Variants in TNNI3K observed in about 807,000 individuals in gnomAD.
TNNI3K encodes the protein TNNI3 interacting kinase.
Under a neutral mutation model 114.5 loss-of-function variants are expected in TNNI3K, and 140 were observed. The ratio of observed to expected loss-of-function variants is 1.22; its 90% confidence interval spans 1.07 to 1.41. The LOEUF (loss-of-function observed/expected upper bound fraction) is 1.41. Among genes scored for constraint, TNNI3K ranks in the 40% most tolerant of loss-of-function variants. The probability of loss-of-function intolerance (pLI) is 0.00; values close to 1 mark genes in which losing one functional copy is unlikely to be tolerated. For synonymous variants in TNNI3K, 347 were observed against 347.5 expected (o/e 1.00, Z 0.02); for missense variants, 1,125 against 1,007.6 (o/e 1.12, Z -1.58).
At chr1:74,527,416 A>G (rs550696870) in intron 23 of TNNI3K, among the ~76,000 whole-genome samples, 82 of 152,354 alleles carry the variant, frequency 5.4e-4, no homozygotes, top group African/African-American at 1.9e-3. Flanking sequence ...AATAGGAAAC[A>G]CAAGATTAGA....
At chr1:74,287,987 A>G (rs1264630274) in intron 5 of TNNI3K, among the ~76,000 whole-genome samples, 1 of 152,190 alleles carries the variant, frequency 6.6e-6, no homozygotes, top group African/African-American at 2.4e-5. Context: ...TATGAAAAAA[A>G]TGCTTAATAT....
intron 23 of TNNI3K, among the ~76,000 whole-genome samples, chr1:74,502,764 A>G (rs563593722): frequency 2.9e-4 from 44 of 152,308 alleles, no homozygotes; most frequent in African/African-American, 1.0e-3. Context: ...AAGAAACACT[A>G]TAAATCACCT....
intron 4 of TNNI3K, among the ~76,000 whole-genome samples, chr1:74,257,414 A>C (rs1655381730): frequency 6.6e-6 from 1 of 152,052 alleles, no homozygotes; most frequent in South Asian, 2.1e-4. Flanking sequence ...TACAGGGCAC[A>C]TTTTTCTGTT....
rs1336320256 is a variant in TNNI3K at position 74,367,783 on chromosome 1, A to G, written c.1265-125A>G. On this transcript the variant is annotated intron_variant, in intron 12 of 24. Transcript: ENST00000326637. ...TGCAGTACAATTTCAGTATCCAGAG[A>G]AAGATTTGGGCCTGAAGCGATAGTT... 4.7e-6 allele frequency: 4 copies of G among 848,948 alleles called. No homozygotes were observed. The Admixed American group carries it at 1.3e-4, about 28-fold the overall frequency. The allele number at this position is 848,948 out of a possible 1,614,324, so 52.6% of individuals were successfully genotyped here.
rs148002894 is a variant in TNNI3K, at chr1:74,272,853, A to G, written c.444+1145A>G. Among the ~76,000 whole-genome samples the G allele has an allele frequency of 3.3e-3, 496 of 152,074 alleles. 4 individuals carry two copies. Among genetic ancestry groups the G allele is most frequent in the African/African-American group, 0.011 (437 of 41,522 alleles). ...ATAGTAATTGCCTTGACAAATTACAAAGCTATTGAGGAAAAGAGCCATGTT... is the reference window on the plus strand; with the variant it reads ...ATAGTAATTGCCTTGACAAATTACAGAGCTATTGAGGAAAAGAGCCATGTT... On this transcript the variant is annotated intron_variant, in intron 5 of 24. Coordinates refer to ENST00000326637, the MANE Select transcript of TNNI3K (RefSeq NM_015978.3).
At chr1:74,532,659 T>G (rs1489315356) in intron 23 of TNNI3K, among the ~76,000 whole-genome samples, 1 of 150,556 alleles carries the variant, frequency 6.6e-6, no homozygotes, top group East Asian at 2.0e-4. Flanking sequence ...CAGAGTGTGA[T>G]GTTCCCCTCC....
In TNNI3K at chr1:74,424,701, A is replaced by T. The variant is rs974153924; in HGVS notation, c.1773-11379A>T. 6.2e-5 allele frequency among the ~76,000 whole-genome samples: 9 copies of T among 145,266 alleles called. 1 individual carries two copies. The highest frequency in any genetic ancestry group is 2.3e-4 in the African/African-American group (9 of 39,758). On this transcript the variant is annotated intron_variant, in intron 17 of 24. Coordinates refer to ENST00000326637, the MANE Select transcript of TNNI3K (RefSeq NM_015978.3). ...TTGCCACTGCACTCCAGCCTGGGTG[A>T]CAGAGTGAGTCCATCTCAAAAAAAA...
chr1:74,309,612 A>G (rs1437441481), intron 5 of TNNI3K, among the ~76,000 whole-genome samples: 1 of 152,084 alleles, frequency 6.6e-6, no homozygotes, highest in Admixed American at 6.6e-5. Flanking sequence ...AAATCACCAC[A>G]ACAAAATGGA....
At chr1:74,530,068 G>A (rs1646560585) in intron 23 of TNNI3K, among the ~76,000 whole-genome samples, 1 of 152,170 alleles carries the variant, frequency 6.6e-6, no homozygotes, top group South Asian at 2.1e-4. Context: ...GGCCTCAAGA[G>A]ATCCTACTGC....
intron 4 of TNNI3K, among the ~76,000 whole-genome samples, chr1:74,269,968 G>T (rs1446198549): frequency 6.6e-6 from 1 of 151,814 alleles, no homozygotes; most frequent in Non-Finnish European, 1.5e-5. Flanking sequence ...AAGGAGATAA[G>T]AATTTTGAGA....
At chr1:74,442,243 T>C (rs1666405999) in intron 20 of TNNI3K, among the ~76,000 whole-genome samples, 1 of 152,048 alleles carries the variant, frequency 6.6e-6, no homozygotes, top group Admixed American at 6.6e-5. Flanking sequence ...CTTATTAAAT[T>C]ATTTTGGTAC....
intron 23 of TNNI3K, among the ~76,000 whole-genome samples, 200 bp downstream of exon 23, chr1:74,492,466 A>C (rs1365689377): frequency 6.6e-6 from 1 of 152,202 alleles, no homozygotes; most frequent in African/African-American, 2.4e-5. Context: ...CTCTAGTTGC[A>C]AGTAACAGGC....
chr1:74,476,558 G>T (rs1204959232), intron 21 of TNNI3K, among the ~76,000 whole-genome samples: 1 of 152,066 alleles, frequency 6.6e-6, no homozygotes, highest in Non-Finnish European at 1.5e-5. Flanking sequence ...AGACAAAGGA[G>T]GCAGAAATAT....
chr1:74,314,911 C>A (rs1379890746), intron 5 of TNNI3K, among the ~76,000 whole-genome samples: 2 of 151,986 alleles, frequency 1.3e-5, no homozygotes, highest in African/African-American at 4.8e-5. Flanking sequence ...GGAAATAGGT[C>A]AAAGGAAGAA....
rs374708691 is a variant in TNNI3K, at chr1:74,436,046, C to G, written c.1773-34C>G. The G allele has an allele frequency of 5.1e-6, 8 of 1,569,630 alleles. No individual in the cohort carries two copies. In the African/African-American group the frequency reaches 1.1e-4, roughly 22 times the overall value. ...AGATTAGGACATAGCAAAGCTTACT[C>G]AATGTCTACTTTTTTTTTTTTTTTT... On this transcript the variant is annotated intron_variant, in intron 17 of 24. Transcript: ENST00000326637.
At position 74,261,800 on chromosome 1, in the gene TNNI3K, T is replaced by C. The variant is rs45580141; in HGVS notation, c.334-9798T>C. 2.0e-3 allele frequency among the ~76,000 whole-genome samples: 303 copies of C among 152,290 alleles called. 2 individuals carry two copies. The highest frequency in any genetic ancestry group is 3.5e-3 in the Non-Finnish European group (240 of 68,008). The stretch of plus-strand genomic sequence containing the variant: ...ACATTTCGTATGATAAAAGCAGATA[T>C]TGAATGGTAATGGTCATTTATCCCA... On this transcript the variant is annotated intron_variant, in intron 4 of 24. Coordinates refer to ENST00000326637, the MANE Select transcript of TNNI3K (RefSeq NM_015978.3).
At chr1:74,457,121 T>C (rs1276069675) in intron 20 of TNNI3K, among the ~76,000 whole-genome samples, 1 of 152,138 alleles carries the variant, frequency 6.6e-6, no homozygotes, top group African/African-American at 2.4e-5. Flanking sequence ...AGGAGTGAGC[T>C]AAATTTCTGA....
chr1:74,242,138 C>T lies in TNNI3K; in HGVS notation c.149+5928C>T, dbSNP rs114957385. On this transcript the variant is annotated intron_variant, in intron 2 of 24. Coordinates refer to ENST00000326637, the MANE Select transcript of TNNI3K (RefSeq NM_015978.3). The stretch of plus-strand genomic sequence containing the variant: ...TGCTGGGATTACAAGCATGAGCCAC[C>T]GCGCCTGACCCAGAAAAGTTGTAAT... Among the ~76,000 whole-genome samples the T allele has an allele frequency of 7.7e-3, 1,174 of 152,098 alleles. 12 individuals are homozygous for T. Among genetic ancestry groups the T allele is most frequent in the African/African-American group, 0.027 (1,118 of 41,494 alleles).
intron 6 of TNNI3K, among the ~76,000 whole-genome samples, chr1:74,333,156 A>C (rs1340265652): frequency 6.6e-6 from 1 of 152,170 alleles, no homozygotes; most frequent in Admixed American, 6.6e-5. Context: ...TTCCAAGTTG[A>C]AGATCAAACT....
Sources: gnomAD v4.1 joint callset for allele counts (sites outside exome capture counted in the v4.1 genomes callset) on GRCh38, gnomAD v4.1.1 for gene constraint, MANE v1.5 for transcripts, NCBI Gene and HGNC (gene_info 2026-07-23, HGNC 2026-07-21) for gene names.